NRG3: variants seen among roughly 807,000 people sequenced by gnomAD.
NRG3 encodes neuregulin 3, also known as pro-neuregulin-3, membrane-bound isoform.
A neutral mutation model predicts 66.9 loss-of-function variants in NRG3; 31 were observed. The ratio of observed to expected loss-of-function variants is 0.46; its 90% confidence interval spans 0.35 to 0.63. NRG3 has a LOEUF of 0.63. Ranked by LOEUF, NRG3 falls within the 20% of genes least tolerant of loss-of-function variation. The probability of loss-of-function intolerance (pLI) is 0.00; values close to 1 mark genes in which losing one functional copy is unlikely to be tolerated. For synonymous variants in NRG3, 393 were observed against 359.4 expected (o/e 1.09, Z -1.06); for missense variants, 910 against 878.9 (o/e 1.04, Z -0.45).
chr10:81,926,923 A>C (rs2132939355), intron 1 of NRG3, among the ~76,000 whole-genome samples: 1 of 152,330 alleles, frequency 6.6e-6, no homozygotes, highest in South Asian at 2.1e-4. Flanking sequence ...AGGGGTTGTG[A>C]CAACTCAGTA....
At chr10:82,652,016 T>C (rs2051454995) in intron 2 of NRG3, among the ~76,000 whole-genome samples, 8 of 152,088 alleles carry the variant, frequency 5.3e-5, no homozygotes, top group Admixed American at 5.2e-4. Flanking sequence ...GGAACTGGAG[T>C]GCAGAGGTGC....
intron 3 of NRG3, among the ~76,000 whole-genome samples, chr10:82,769,473 TTAA>T (rs2059634435): frequency 1.3e-5 from 2 of 152,090 alleles, no homozygotes. Context: ...TTTAGGAAAA[TTAA>T]TAACATAATT....
chr10:82,889,393 C>A (rs150520021), intron 4 of NRG3, among the ~76,000 whole-genome samples: 1 of 152,122 alleles, frequency 6.6e-6, no homozygotes, highest in Non-Finnish European at 1.5e-5. Flanking sequence ...ATGAGGAAGA[C>A]CTTGAGAGAA....
At chr10:82,299,023 T>A (rs1045032836) in intron 1 of NRG3, among the ~76,000 whole-genome samples, 1 of 152,122 alleles carries the variant, frequency 6.6e-6, no homozygotes. Flanking sequence ...GCTTCCATGG[T>A]TTTCTGACCC....
intron 2 of NRG3, among the ~76,000 whole-genome samples, chr10:82,493,996 C>T (rs899886966): frequency 1.3e-5 from 2 of 152,164 alleles, no homozygotes; most frequent in Non-Finnish European, 2.9e-5. Context: ...AAAAGTTCAA[C>T]ATCACTGATT....
chr10:82,572,371 A>T (rs370279213), intron 2 of NRG3, among the ~76,000 whole-genome samples: 2 of 151,700 alleles, frequency 1.3e-5, no homozygotes, highest in Non-Finnish European at 3.0e-5. Flanking sequence ...TCATTATTCT[A>T]CATTAACAGT....
chr10:82,855,642 C>T (rs2063766424), intron 3 of NRG3, among the ~76,000 whole-genome samples: 1 of 152,106 alleles, frequency 6.6e-6, no homozygotes, highest in South Asian at 2.1e-4. Context: ...AAGTGATTCG[C>T]CTGCCTCAGC....
intron 3 of NRG3, among the ~76,000 whole-genome samples, chr10:82,850,433 G>A (rs2063506870): frequency 6.6e-6 from 1 of 152,106 alleles, no homozygotes; most frequent in Non-Finnish European, 1.5e-5. Context: ...TGAACAACGG[G>A]GGAAAGGTTT....
intron 2 of NRG3, among the ~76,000 whole-genome samples, chr10:82,411,659 T>G (rs754451662): frequency 5.3e-5 from 8 of 152,146 alleles, no homozygotes; most frequent in African/African-American, 1.7e-4. Flanking sequence ...GAGTATTTAC[T>G]CTGAGTTCTA....
At chr10:82,654,271 C>T (rs944208014) in intron 2 of NRG3, among the ~76,000 whole-genome samples, 1 of 152,032 alleles carries the variant, frequency 6.6e-6, no homozygotes, top group Non-Finnish European at 1.5e-5. Context: ...GGCTTTTTGG[C>T]AGGTAGTTAA....
intron 2 of NRG3, among the ~76,000 whole-genome samples, chr10:82,409,441 GA>G (rs1299819932): frequency 6.6e-6 from 1 of 152,034 alleles, no homozygotes; most frequent in African/African-American, 2.4e-5. Flanking sequence ...GAAAGGGAGG[GA>G]ACCCATGCCC....
intron 2 of NRG3, among the ~76,000 whole-genome samples, chr10:82,563,644 C>G (rs1370793659): frequency 6.6e-6 from 1 of 151,790 alleles, no homozygotes; most frequent in Non-Finnish European, 1.5e-5. Context: ...ATCAAAACAT[C>G]ACATATTTAT....
intron 2 of NRG3, among the ~76,000 whole-genome samples, chr10:82,372,802 C>T (rs1288575728): frequency 6.6e-6 from 1 of 152,178 alleles, no homozygotes; most frequent in African/African-American, 2.4e-5. Flanking sequence ...CCATGTTGGC[C>T]AGGCTGGTCT....
In NRG3 at chr10:82,132,507, T is replaced by TATATATATCATATATATATATC. The variant is rs1564593732; in HGVS notation, c.824-226224_824-226223insCATATATATATATCATATATAT. On this transcript the variant is annotated intron_variant, in intron 1 of 8. Transcript: ENST00000372141. ...ATATATATATGATATATATATATCA[T>TATATATATCATATATATATATC]ATATATATGATATATATGATATATA... Among the ~76,000 whole-genome samples, 6 of 59,120 alleles carry TATATATATCATATATATATATC rather than the reference T, an allele frequency of 1.0e-4. 1 individual carries two copies. Among genetic ancestry groups the TATATATATCATATATATATATC allele is most frequent in the African/African-American group, 6.5e-4 (6 of 9,278 alleles). 38.8% of individuals were successfully genotyped at this position (59,120 alleles called of 152,430 possible).
intron 2 of NRG3, among the ~76,000 whole-genome samples, chr10:82,581,567 G>A (rs778676315): frequency 2.6e-5 from 4 of 151,978 alleles, no homozygotes; most frequent in Non-Finnish European, 4.4e-5. Context: ...GAATATGTGT[G>A]GGGATGAGGA....
rs757060096 is a variant in NRG3, at chr10:82,985,501, G to C, written c.1987G>C (p.Glu663Gln). The part of the protein sequence containing the change: ...ASVETEDSAS[E>Q]NTAFLPLSPT... The stretch of plus-strand genomic sequence containing the variant: ...CGTAGAAACCGAGGACAGTGCAAGC[G>C]AAAACACAGCCTTTCTCCCCCTGAG... Residue 663 changes from glutamate (E) to glutamine (Q), a missense_variant, in exon 9 of 9, where the codon GAA becomes CAA. Physicochemically the swap from Glu to Gln is conservative, Grantham distance 29. Transcript: ENST00000372141. 6.2e-7 allele frequency: 1 copy of C among 1,613,940 alleles called. No individual in the cohort carries two copies. The highest frequency in any genetic ancestry group is 1.7e-5 in the Admixed American group (1 of 59,986).
chr10:82,170,132 T>C (rs1333190532), intron 1 of NRG3, among the ~76,000 whole-genome samples: 1 of 152,058 alleles, frequency 6.6e-6, no homozygotes, highest in African/African-American at 2.4e-5. Flanking sequence ...ATATCCAAAT[T>C]CTATACTCAA....
intron 1 of NRG3, among the ~76,000 whole-genome samples, chr10:82,139,018 T>C: frequency 6.6e-6 from 1 of 152,178 alleles, no homozygotes; most frequent in Admixed American, 6.6e-5. Context: ...ATACTTTGCA[T>C]CTTTCAATCC....
At chr10:82,419,435 C>T (rs777356688) in intron 2 of NRG3, among the ~76,000 whole-genome samples, 24 of 152,292 alleles carry the variant, frequency 1.6e-4, no homozygotes, top group Non-Finnish European at 3.1e-4. Flanking sequence ...CACAACACAA[C>T]CTCGTTTTAT....
Sources: gnomAD v4.1 joint callset for allele counts (sites outside exome capture counted in the v4.1 genomes callset) on GRCh38, gnomAD v4.1.1 for gene constraint, MANE v1.5 for transcripts, NCBI Gene and HGNC (gene_info 2026-07-23, HGNC 2026-07-21) for gene names.